The following PIEZO1 variants were observed in gnomAD, a reference collection of about 807,000 sequenced individuals.
PIEZO1 encodes piezo type mechanosensitive ion channel component 1 (Er blood group), also known as piezo-type mechanosensitive ion channel component 1.
A neutral mutation model predicts 297.2 loss-of-function variants in PIEZO1; 296 were observed. That is an observed-to-expected ratio of 1.00 (90% confidence interval 0.91 to 1.10). The LOEUF is 1.10. Among genes scored for constraint, PIEZO1 ranks in the 50% least tolerant of loss-of-function variants. The pLI, the probability that PIEZO1 is intolerant of heterozygous loss-of-function variation, is 0.00. For missense variants in PIEZO1, 5,018 were observed against 3,455.5 expected (o/e 1.45, Z -11.34); for synonymous variants, 2,427 against 1,507.5 (o/e 1.61, Z -14.13).
At chr16:88,724,460 G>C (rs1475158914) in intron 30 of PIEZO1, among the ~76,000 whole-genome samples, 1 of 152,002 alleles carries the variant, frequency 6.6e-6, no homozygotes, top group African/African-American at 2.4e-5. Context: ...GAACCTGGGA[G>C]GTGGGGGTTG....
At position 88,721,316 on chromosome 16, in the gene PIEZO1, C is replaced by G; in HGVS notation, c.5518G>C (p.Asp1840His). 3 of 1,546,340 alleles carry G rather than the reference C, an allele frequency of 1.9e-6. No homozygotes were observed. The highest frequency in any genetic ancestry group is 2.6e-6 in the Non-Finnish European group (3 of 1,146,730). The change falls in exon 39 of 51, where the codon GAC becomes CAC. Residue 1840 changes from aspartate (D) to histidine (H), a missense_variant. By Grantham distance (81) the Asp-to-His change is moderately conservative (BLOSUM62 -1). Coordinates refer to ENST00000301015, the MANE Select transcript of PIEZO1 (RefSeq NM_001142864.4). ...GPGVPAATTE[D>H]HIQVEARVGP... ...ACCCTGGCTTCCACCTGAATGTGGT[C>G]TTCGGTGGTGGCCGCAGGCACCCCT...
chr16:88,723,097 G>GC lies in PIEZO1; in HGVS notation c.4492dup (p.Ala1498GlyfsTer27). The GC allele has an allele frequency of 6.5e-7, 1 of 1,547,928 alleles. No individual in the cohort carries two copies. Among genetic ancestry groups the GC allele is most frequent in the Non-Finnish European group, 8.7e-7 (1 of 1,146,674 alleles). On this transcript the variant is annotated frameshift_variant, in exon 33 of 51. Transcript: ENST00000301015. LOFTEE classifies it high-confidence loss of function. ...TCCCCAGCCCCGGGCCCACGTACCT[G>GC]CCGCTGCCTCCTCGGGGCCCTCTGC...
chr16:88,720,904 G>C (rs1019618321), intron 39 of PIEZO1, among the ~76,000 whole-genome samples, 156 bp from the exon 40 acceptor site: 11 of 152,210 alleles, frequency 7.2e-5, no homozygotes, highest in African/African-American at 2.4e-4. Flanking sequence ...AGACAGCTGG[G>C]GCTGTGTCCT....
At chr16:88,733,544 C>G in intron 18 of PIEZO1, 44 bp downstream of exon 18, 1 of 1,526,800 alleles carries the variant, frequency 6.5e-7, no homozygotes, top group Non-Finnish European at 8.8e-7. Context: ...CAGGCCAGAG[C>G]GACCCCACCC....
Position 88,716,115 on chromosome 16 carries a change from C to G in PIEZO1, c.7134G>C (p.Glu2378Asp), listed in dbSNP as rs1226218443. 2 of 1,544,270 alleles carry G rather than the reference C, an allele frequency of 1.3e-6. No homozygotes were observed. Among genetic ancestry groups the G allele is most frequent in the African/African-American group, 1.4e-5 (1 of 72,958 alleles). The part of the protein sequence containing the change: ...ANPVKQLQPN[E>D]EADYLGVRIQ... ...TACGCACGCCGAGGTAGTCGGCCTCCTCATCTGGGATGGAGGGAGAAGATC... is the reference window on the plus strand; with the variant it reads ...TACGCACGCCGAGGTAGTCGGCCTCGTCATCTGGGATGGAGGGAGAAGATC... Residue 2378 changes from glutamate to aspartate, a missense_variant, in exon 50 of 51, where the codon GAG becomes GAC. By Grantham distance (45) the Glu-to-Asp change is conservative. Transcript: ENST00000301015.
At chr16:88,720,805 G>A (rs1456475317) in intron 39 of PIEZO1, 57 bp from the exon 40 acceptor site, 5 of 1,441,182 alleles carry the variant, frequency 3.5e-6, no homozygotes, top group Non-Finnish European at 3.6e-6. Context: ...CTGGCTCATG[G>A]CTCCTGACCA....
chr16:88,736,895 T>G, intron 10 of PIEZO1, 156 bp from the exon 11 acceptor site: 1 of 523,760 alleles, frequency 1.9e-6, no homozygotes, highest in African/African-American at 2.1e-5. Flanking sequence ...GCAATTGGGC[T>G]GACACCGTCC....
chr16:88,733,087 G>A (rs1597456282), intron 19 of PIEZO1, 191 bp downstream of exon 19: 1 of 611,862 alleles, frequency 1.6e-6, no homozygotes, highest in African/African-American at 1.8e-5. Flanking sequence ...TGTGTGCAGG[G>A]AGTGCGCCCC....
At position 88,719,638 on chromosome 16, in the gene PIEZO1, C is replaced by T; in HGVS notation, c.6407G>A (p.Trp2136Ter). 2 of 1,553,618 alleles carry T rather than the reference C, an allele frequency of 1.3e-6. No individual in the cohort carries two copies. The highest frequency in any genetic ancestry group is 8.7e-7 in the Non-Finnish European group (1 of 1,148,654). The part of the protein sequence containing the change: ...WTDTTLSLSS[W>*]MCVEDIYANI... ...GGCATAGATGTCCTCCACACACATC[C>T]AGCTGGACAGGGACAGCGTGGTGTC... The change falls in exon 44 of 51, where the codon TGG (tryptophan) becomes TAG (stop). Residue 2136 changes from tryptophan to a stop codon, truncating the protein, a stop_gained. Transcript: ENST00000301015. LOFTEE classifies it high-confidence loss of function.
rs1041615411 is a variant in PIEZO1, at chr16:88,717,909, C to T, written c.6472-698G>A. 4.8e-5 allele frequency: 19 copies of T among 392,732 alleles called. 1 individual carries two copies. The highest frequency in any genetic ancestry group is 1.8e-4 in the Admixed American group (5 of 27,270). 24.3% of individuals were successfully genotyped at this position (392,732 alleles called of 1,614,324 possible). A position where few individuals can be genotyped will look rare whatever the true frequency, so the allele number is the denominator to read the frequency against. Reference sequence around the variant, plus strand: ...GCACTTTGAGGTCAGGAGTTTGAGACGAACCTGGCCAAAAATACAAAAGAC... The same window carrying T: ...GCACTTTGAGGTCAGGAGTTTGAGATGAACCTGGCCAAAAATACAAAAGAC... On this transcript the variant is annotated intron_variant, in intron 44 of 50. Transcript: ENST00000301015.
At chr16:88,761,738 C>T (rs1906943189) in intron 1 of PIEZO1, among the ~76,000 whole-genome samples, 1 of 152,034 alleles carries the variant, frequency 6.6e-6, no homozygotes, top group Non-Finnish European at 1.5e-5. Context: ...CCTCCTGACC[C>T]TCCCCACTGC....
In PIEZO1 at chr16:88,723,942, C is replaced by CA; in HGVS notation, c.4263dup (p.Glu1422Ter). ...TCCTCCTCTTCCTCACTGTCGGACT[C>CA]AAACAGGAAGTAGTCCCCGGAGTGG... is the stretch of plus-strand genomic sequence containing the variant. On this transcript the variant is annotated frameshift_variant, in exon 31 of 51. Coordinates refer to ENST00000301015, the MANE Select transcript of PIEZO1 (RefSeq NM_001142864.4). LOFTEE classifies it high-confidence loss of function. The CA allele has an allele frequency of 6.5e-7, 1 of 1,549,576 alleles. No individual in the cohort carries two copies.
rs1182440213 is a variant in PIEZO1 at position 88,767,189 on chromosome 16, G to C, written c.65-17710C>G. On this transcript the variant is annotated intron_variant, in intron 1 of 50. Coordinates refer to ENST00000301015, the MANE Select transcript of PIEZO1 (RefSeq NM_001142864.4). ...TTCCTCCCCCTTCCCAGAAGGAAACGGTCTCATGAGTCTCGGGACATCCTT... is the reference window on the plus strand; with the variant it reads ...TTCCTCCCCCTTCCCAGAAGGAAACCGTCTCATGAGTCTCGGGACATCCTT... 2.6e-5 allele frequency among the ~76,000 whole-genome samples: 4 copies of C among 152,136 alleles called. No homozygotes were observed. The East Asian group carries it at 7.7e-4, about 29-fold the overall frequency.
At position 88,722,031 on chromosome 16, in the gene PIEZO1, A is replaced by G; in HGVS notation, c.4991T>C (p.Leu1664Pro). The change falls in exon 37 of 51, where the codon CTG (leucine) becomes CCG (proline). Residue 1664 changes from leucine to proline, a missense_variant. Transcript: ENST00000301015. ...CGCCCGGCCCTGCCCCTCCGCAAAC[A>G]GCTCTGCCTCCTCCAGCTCTGGGAT... ...LRIPELEEAE[L>P]FAEGQGRALR... The G allele has an allele frequency of 6.5e-7, 1 of 1,548,044 alleles. No homozygotes were observed. The highest frequency in any genetic ancestry group is 8.7e-7 in the Non-Finnish European group (1 of 1,146,508).
At position 88,723,313 on chromosome 16, in the gene PIEZO1, A is replaced by G. The variant is rs1255289713; in HGVS notation, c.4351T>C (p.Trp1451Arg). ...QSAFQLAYQA[W>R]VTNAQAVLRR... is the part of the protein sequence containing the mutation. ...AGCACCGCCTGGGCGTTGGTCACCCATGCCTGGTACGCCAGCTGTCGGCCA... is the reference window on the plus strand; with the variant it reads ...AGCACCGCCTGGGCGTTGGTCACCCGTGCCTGGTACGCCAGCTGTCGGCCA... The change falls in exon 32 of 51, where the codon TGG becomes CGG. Residue 1451 changes from tryptophan to arginine, a missense_variant. Coordinates refer to ENST00000301015, the MANE Select transcript of PIEZO1 (RefSeq NM_001142864.4). 3 of 1,538,790 alleles carry G rather than the reference A, an allele frequency of 1.9e-6. No individual in the cohort carries two copies. In the African/African-American group the frequency reaches 4.1e-5, roughly 21 times the overall value.
intron 1 of PIEZO1, among the ~76,000 whole-genome samples, chr16:88,765,203 G>T (rs1425567246): frequency 6.6e-6 from 1 of 152,244 alleles, no homozygotes; most frequent in Non-Finnish European, 1.5e-5. Context: ...CCGGCACTCA[G>T]AGAGGAATGC....
chr16:88,728,153 A>C (rs919195124), intron 22 of PIEZO1, among the ~76,000 whole-genome samples: 4 of 152,196 alleles, frequency 2.6e-5, no homozygotes, highest in Non-Finnish European at 5.9e-5. Flanking sequence ...CCTAAAGGCC[A>C]CCTGCTGGGA....
chr16:88,734,058 G>A lies in PIEZO1; in HGVS notation c.2181-4C>T, dbSNP rs946505191. The A allele has an allele frequency of 1.3e-6, 2 of 1,503,140 alleles. No homozygotes were observed. Among genetic ancestry groups the A allele is most frequent in the Admixed American group, 2.2e-5 (1 of 44,590 alleles). The allele number at this position is 1,503,140 out of a possible 1,614,324, so 93.1% of individuals were successfully genotyped here. A position where few individuals can be genotyped will look rare whatever the true frequency, so the allele number is the denominator to read the frequency against. ...GGTCCCACTCACTGCATCCTGCCTG[G>A]GAGAGGGTCCGAAAATGTCATCTCC... On this transcript the variant is annotated splice_polypyrimidine_tract_variant and splice_region_variant and intron_variant, in intron 16 of 50. Coordinates refer to ENST00000301015, the MANE Select transcript of PIEZO1 (RefSeq NM_001142864.4).
intron 1 of PIEZO1, among the ~76,000 whole-genome samples, chr16:88,761,627 A>G (rs1457545083): frequency 2.0e-5 from 3 of 152,008 alleles, no homozygotes; most frequent in African/African-American, 4.8e-5. Flanking sequence ...TCCGCAGTGA[A>G]CGACCCCCAG....
Sources: gnomAD v4.1 joint callset for allele counts (sites outside exome capture counted in the v4.1 genomes callset) on GRCh38, gnomAD v4.1.1 for gene constraint, MANE v1.5 for transcripts, NCBI Gene and HGNC (gene_info 2026-07-23, HGNC 2026-07-21) for gene names.